GUCY2C: variants seen among roughly 807,000 people sequenced by gnomAD.
GUCY2C encodes the protein guanylate cyclase 2C.
GUCY2C carries 118 observed loss-of-function variants against 131.1 expected under a neutral mutation model. That is an observed-to-expected ratio of 0.90 (90% CI 0.78 to 1.05). GUCY2C has a LOEUF of 1.05. Ranked by LOEUF, GUCY2C falls within the 50% of genes least tolerant of loss-of-function variation. The probability of loss-of-function intolerance (pLI) is 0.00; values close to 1 mark genes in which losing one functional copy is unlikely to be tolerated. For synonymous variants in GUCY2C, 452 were observed against 457.8 expected (o/e 0.99, Z 0.16); for missense variants, 1,161 against 1,304.4 (o/e 0.89, Z 1.69).
chr12:14,683,003 C>T lies in GUCY2C; in HGVS notation c.611+39G>A, dbSNP rs933117468. The T allele has an allele frequency of 2.1e-6, 3 of 1,407,008 alleles. No homozygotes were observed. The African/African-American group carries it at 4.2e-5, about 20-fold the overall frequency. 87.2% of individuals were successfully genotyped at this position (1,407,008 alleles called of 1,614,324 possible). ...CCTGCATGATCCTATGGCTTCTCTC[C>T]ATGGCAAGTGCTAGTGAAATATTAA... On this transcript the variant is annotated intron_variant, in intron 4 of 26. Transcript: ENST00000261170.
At chr12:14,639,780 T>G in intron 19 of GUCY2C, 82 bp downstream of exon 19, 1 of 900,456 alleles carries the variant, frequency 1.1e-6, no homozygotes, top group South Asian at 1.4e-5. Flanking sequence ...CGTAAGTGAA[T>G]AAATTTTTGT....
At chr12:14,640,401 G>A (rs1947370168) in intron 18 of GUCY2C, among the ~76,000 whole-genome samples, 2 of 145,772 alleles carry the variant, frequency 1.4e-5, no homozygotes, top group South Asian at 2.1e-4. Context: ...AGGTTGCAAT[G>A]AGCCAAGATC....
At chr12:14,690,572 T>C (rs1256987638) in intron 1 of GUCY2C, among the ~76,000 whole-genome samples, 2 of 152,128 alleles carry the variant, frequency 1.3e-5, no homozygotes, top group African/African-American at 2.4e-5. Flanking sequence ...AGACAGAGTC[T>C]GCACTGTTGC....
intron 9 of GUCY2C, 42 bp downstream of exon 9, chr12:14,672,831 A>G (rs1211230835): frequency 8.9e-7 from 1 of 1,118,620 alleles, no homozygotes; most frequent in Non-Finnish European, 1.4e-6. Flanking sequence ...CTCCTCACCC[A>G]GTCACAGCAC....
At chr12:14,638,615 A>G (rs1228049713) in intron 19 of GUCY2C, among the ~76,000 whole-genome samples, 2 of 152,228 alleles carry the variant, frequency 1.3e-5, no homozygotes, top group African/African-American at 2.4e-5. Context: ...GCACAGAAAG[A>G]CAAATATCAC....
At chr12:14,640,965 A>G in intron 18 of GUCY2C, 117 bp downstream of exon 18, 2 of 875,506 alleles carry the variant, frequency 2.3e-6, no homozygotes, top group South Asian at 3.4e-5. Context: ...ATGGGAAATC[A>G]TTAATTTTGC....
chr12:14,672,722 C>A, intron 9 of GUCY2C, 151 bp downstream of exon 9: 5 of 598,816 alleles, frequency 8.3e-6, no homozygotes, highest in South Asian at 2.1e-5. Context: ...GGAATACTAC[C>A]CTAAGTGGGG....
rs1224139671 is a variant in GUCY2C, at chr12:14,641,191, G to A, written c.1959C>T (p.Arg653=). 5.0e-6 allele frequency: 8 copies of A among 1,613,676 alleles called. No individual in the cohort carries two copies. The highest frequency in any genetic ancestry group is 3.3e-5 in the Admixed American group (2 of 60,022). Residue 653 remains arginine (R), a synonymous_variant, in exon 18 of 27, where the codon CGC becomes CGT. Coordinates refer to ENST00000261170, the MANE Select transcript of GUCY2C (RefSeq NM_004963.4). ...CTCCTTTCTGAGAGATGTTGGCTTG[G>A]CGGAGGTGCTCTGGAGCTGTCCACA... ...KDLWTAPEHL[R]QANISQKGDV...
In GUCY2C at chr12:14,688,260, T is replaced by TTCTC. The variant is rs137861179; in HGVS notation, c.218-201_218-198dup. ...TCTCTCTGTATCTTTTCATCTCTGTTTCTCTCTCTCTCTCTCAACAGTTTT... is the reference window on the plus strand; with the variant it reads ...TCTCTCTGTATCTTTTCATCTCTGTTTCTCTCTCTCTCTCTCTCTCAACAGTTTT... On this transcript the variant is annotated intron_variant, in intron 1 of 26. Coordinates refer to ENST00000261170, the MANE Select transcript of GUCY2C (RefSeq NM_004963.4). Among the ~76,000 whole-genome samples the TTCTC allele has an allele frequency of 0.1, 15,582 of 151,628 alleles. 1,138 individuals carry two copies. The highest frequency in any genetic ancestry group is 0.24 in the Admixed American group (3,570 of 15,182).
At chr12:14,658,300 T>C (rs1328598432) in intron 11 of GUCY2C, among the ~76,000 whole-genome samples, 1 of 152,212 alleles carries the variant, frequency 6.6e-6, no homozygotes, top group Non-Finnish European at 1.5e-5. Flanking sequence ...TTGATTTTAT[T>C]ATCGTCATAT....
rs138116729 is a variant in GUCY2C at position 14,620,066 on chromosome 12, G to A, written c.2777-757C>T. On this transcript the variant is annotated intron_variant, in intron 23 of 26. Coordinates refer to ENST00000261170, the MANE Select transcript of GUCY2C (RefSeq NM_004963.4). ...AAAGATTCATCTAGATGACTTCTGA[G>A]TTCCTCTCTTACAGGTGTTTTTTCT... 2.6e-4 allele frequency among the ~76,000 whole-genome samples: 39 copies of A among 152,302 alleles called. No individual in the cohort carries two copies. The East Asian group carries it at 3.9e-3, about 15-fold the overall frequency.
intron 1 of GUCY2C, among the ~76,000 whole-genome samples, chr12:14,692,091 A>C (rs894381041): frequency 6.6e-6 from 1 of 152,216 alleles, no homozygotes; most frequent in Non-Finnish European, 1.5e-5. Context: ...CAGTTCTCAA[A>C]GTATGAGCCA....
At chr12:14,620,141 A>G (rs1565604457) in intron 23 of GUCY2C, among the ~76,000 whole-genome samples, 1 of 152,196 alleles carries the variant, frequency 6.6e-6, no homozygotes, top group East Asian at 1.9e-4. Flanking sequence ...CTGTTGAATT[A>G]AACTAAGTTT....
In GUCY2C at chr12:14,641,194, G is replaced by T; in HGVS notation, c.1956C>A (p.Leu652=). The change falls in exon 18 of 27, where the codon CTC becomes CTA. Residue 652 remains leucine, a synonymous_variant. Coordinates refer to ENST00000261170, the MANE Select transcript of GUCY2C (RefSeq NM_004963.4). ...KKDLWTAPEH[L]RQANISQKGD... is the part of the protein sequence containing the mutation. ...CTTTCTGAGAGATGTTGGCTTGGCG[G>T]AGGTGCTCTGGAGCTGTCCACAGGT... The T allele has an allele frequency of 6.2e-7, 1 of 1,613,602 alleles. No homozygotes were observed. The highest frequency in any genetic ancestry group is 8.5e-7 in the Non-Finnish European group (1 of 1,179,956).
chr12:14,622,985 G>A (rs2136984671), intron 21 of GUCY2C, among the ~76,000 whole-genome samples: 1 of 152,284 alleles, frequency 6.6e-6, no homozygotes, highest in East Asian at 1.9e-4. Flanking sequence ...GAAGTGGGAT[G>A]GTCCCTGTCT....
intron 6 of GUCY2C, among the ~76,000 whole-genome samples, chr12:14,678,450 G>A (rs1314657610): frequency 6.6e-6 from 1 of 152,216 alleles, no homozygotes; most frequent in African/African-American, 2.4e-5. Context: ...CCTGGCTACA[G>A]TAAGGACTCC....
intron 11 of GUCY2C, among the ~76,000 whole-genome samples, chr12:14,658,869 A>G (rs958956147): frequency 6.6e-6 from 1 of 151,016 alleles, no homozygotes; most frequent in African/African-American, 2.4e-5. Context: ...AATACAACAT[A>G]ATACAATATA....
At chr12:14,669,933 T>G (rs1269670079) in intron 9 of GUCY2C, 100 bp from the exon 10 acceptor site, 1 of 538,492 alleles carries the variant, frequency 1.9e-6, no homozygotes, top group Non-Finnish European at 3.3e-6. Flanking sequence ...TTGATTTCCA[T>G]AACAATTCTC....
chr12:14,686,252 TC>T (rs1320750643), intron 2 of GUCY2C, 27 bp from the exon 3 acceptor site: 3 of 1,515,818 alleles, frequency 2.0e-6, no homozygotes, highest in Admixed American at 1.7e-5. Context: ...AACAATGAAT[TC>T]CTAGAACTAA....
Sources: gnomAD v4.1 joint callset for allele counts (sites outside exome capture counted in the v4.1 genomes callset) on GRCh38, gnomAD v4.1.1 for gene constraint, MANE v1.5 for transcripts, NCBI Gene and HGNC (gene_info 2026-07-23, HGNC 2026-07-21) for gene names.